STK3: variants seen among roughly 807,000 people sequenced by gnomAD.
STK3 encodes serine/threonine kinase 3, also known as serine/threonine-protein kinase 3.
A neutral mutation model predicts 58.0 loss-of-function variants in STK3; 41 were observed. The observed-to-expected ratio is 0.71, with a 90% CI of 0.55 to 0.92. The LOEUF (loss-of-function observed/expected upper bound fraction) is 0.92, where lower values mean the gene tolerates loss of function less well. Among genes scored for constraint, STK3 ranks in the 40% least tolerant of loss-of-function variants. The pLI is 0.00. For missense variants in STK3, 479 were observed against 602.7 expected (o/e 0.79, Z 2.15); for synonymous variants, 170 against 191.0 (o/e 0.89, Z 0.91).
chr8:98,660,134 G>C (rs1343919603), intron 6 of STK3, among the ~76,000 whole-genome samples: 1 of 152,000 alleles, frequency 6.6e-6, no homozygotes, highest in Non-Finnish European at 1.5e-5. Context: ...TGAAGCTTAA[G>C]GACATTATGC....
chr8:98,777,047 C>T (rs2131502560), intron 1 of STK3, among the ~76,000 whole-genome samples: 1 of 145,750 alleles, frequency 6.9e-6, no homozygotes, highest in South Asian at 2.1e-4. Context: ...AAGACTCCGT[C>T]TCAAAAAAAA....
At chr8:98,371,646 C>T (rs1428421148) in exon 3 of STK3, 1 of 152,252 alleles carries the variant, frequency 6.6e-6, no homozygotes, top group Non-Finnish European at 1.5e-5. Context: ...CCTGGCAAGT[C>T]TTCAGTCACA....
intron 1 of STK3, among the ~76,000 whole-genome samples, chr8:98,789,905 G>A (rs1651005162): frequency 6.6e-6 from 1 of 151,910 alleles, no homozygotes; most frequent in African/African-American, 2.4e-5. Flanking sequence ...GTAAGCAGCT[G>A]TAGTCCCAGC....
At chr8:98,426,728 G>A (rs1276064214) in intron 3 of STK3, among the ~76,000 whole-genome samples, 1 of 152,200 alleles carries the variant, frequency 6.6e-6, no homozygotes, top group African/African-American at 2.4e-5. Flanking sequence ...AGACCCAGCG[G>A]GGAAAGGTCA....
At chr8:98,646,950 C>T (rs1289377549) in intron 6 of STK3, among the ~76,000 whole-genome samples, 2 of 152,102 alleles carry the variant, frequency 1.3e-5, no homozygotes, top group Non-Finnish European at 2.9e-5. Context: ...CTCAACAAAA[C>T]CTAAGTAATC....
intron 1 of STK3, among the ~76,000 whole-genome samples, chr8:98,810,349 C>G (rs1834134630): frequency 6.6e-6 from 1 of 152,070 alleles, no homozygotes; most frequent in Non-Finnish European, 1.5e-5. Context: ...TACACTGTTT[C>G]CCACAGTGGG....
intron 4 of STK3, among the ~76,000 whole-genome samples, chr8:98,734,569 G>C (rs934126337): frequency 1.3e-4 from 20 of 152,230 alleles, no homozygotes; most frequent in African/African-American, 4.3e-4. Flanking sequence ...TCAAGACATA[G>C]CTTTACAATT....
intron 3 of STK3, chr8:98,430,563 A>C (rs1287773385): frequency 6.0e-6 from 1 of 167,042 alleles, no homozygotes; most frequent in Non-Finnish European, 1.5e-5. Context: ...CTTCTAGGAT[A>C]TAGTATGTTG....
intron 10 of STK3, among the ~76,000 whole-genome samples, chr8:98,493,488 T>G (rs185276479): frequency 6.6e-6 from 1 of 152,270 alleles, no homozygotes; most frequent in East Asian, 1.9e-4. Flanking sequence ...TATCCAATCT[T>G]CGGGTTTTAG....
At chr8:98,700,049 C>G (rs188544353) in intron 6 of STK3, among the ~76,000 whole-genome samples, 2,621 of 152,348 alleles carry the variant, frequency 0.017, 44 homozygotes, top group South Asian at 0.024. Context: ...CTTTGTTTAC[C>G]TAAGCAAGCT....
At chr8:98,870,707 C>A (rs1837339290) in intron 3 of STK3, among the ~76,000 whole-genome samples, 2 of 152,046 alleles carry the variant, frequency 1.3e-5, no homozygotes, top group African/African-American at 4.8e-5. Flanking sequence ...TTTTCTTATA[C>A]ATTTGTTTAA....
intron 6 of STK3, among the ~76,000 whole-genome samples, chr8:98,617,089 G>T (rs1286606891): frequency 2.7e-5 from 4 of 150,786 alleles, no homozygotes; most frequent in Non-Finnish European, 5.9e-5. Flanking sequence ...AAATGTAAAA[G>T]AACAGAAATT....
chr8:98,889,205 G>C (rs1015999012), intron 1 of STK3, among the ~76,000 whole-genome samples: 4 of 152,132 alleles, frequency 2.6e-5, no homozygotes, highest in Non-Finnish European at 4.4e-5. Context: ...TTGAATTACA[G>C]AACAAGATGG....
the STK3 span, among the ~76,000 whole-genome samples, chr8:98,360,756 A>T: frequency 6.6e-6 from 1 of 152,112 alleles, no homozygotes; most frequent in Non-Finnish European, 1.5e-5. Flanking sequence ...TGTTTAACTA[A>T]ATGTCAAAGT....
intron 9 of STK3, among the ~76,000 whole-genome samples, chr8:98,537,581 G>A (rs551072665): frequency 6.6e-6 from 1 of 152,200 alleles, no homozygotes; most frequent in East Asian, 1.9e-4. Context: ...TGGTTGCTAT[G>A]GCAAATACTT....
intron 6 of STK3, among the ~76,000 whole-genome samples, chr8:98,657,854 T>C (rs971952317): frequency 6.6e-6 from 1 of 152,084 alleles, no homozygotes; most frequent in Non-Finnish European, 1.5e-5. Context: ...ACAGTCTACC[T>C]ACCACCCCTA....
chr8:98,386,371 G>A (rs1025629811), intron 1 of STK3, among the ~76,000 whole-genome samples: 1 of 152,158 alleles, frequency 6.6e-6, no homozygotes, highest in Non-Finnish European at 1.5e-5. Context: ...TATTATTACT[G>A]AAATACATAA....
intron 10 of STK3, among the ~76,000 whole-genome samples, chr8:98,482,742 C>T (rs1056512454): frequency 1.3e-5 from 2 of 152,030 alleles, no homozygotes; most frequent in African/African-American, 4.8e-5. Flanking sequence ...GGAGCCAGAC[C>T]TCCATGGTGA....
At chr8:98,462,834 T>G (rs1820107792) in intron 10 of STK3, 1 of 152,232 alleles carries the variant, frequency 6.6e-6, no homozygotes, top group Non-Finnish European at 1.5e-5. Flanking sequence ...GATTTCATCT[T>G]GGTTTAGATC....
Sources: allele counts gnomAD v4.1 joint callset (sites outside exome capture counted in the v4.1 genomes callset), GRCh38; gene constraint gnomAD v4.1.1; transcripts MANE v1.5; gene names NCBI Gene and HGNC (gene_info 2026-07-23, HGNC 2026-07-21).